The following PIEZO1 variants were observed in gnomAD, a reference collection of about 807,000 sequenced individuals.
PIEZO1 encodes the protein piezo-type mechanosensitive ion channel component 1.
Under a neutral mutation model 297.2 loss-of-function variants are expected in PIEZO1, and 296 were observed. That is an observed-to-expected ratio of 1.00 (90% confidence interval 0.91 to 1.10). The LOEUF is 1.10. Ranked by LOEUF, PIEZO1 falls within the 50% of genes least tolerant of loss-of-function variation. The probability of loss-of-function intolerance (pLI) is 0.00; values close to 1 mark genes in which losing one functional copy is unlikely to be tolerated. For missense variants in PIEZO1, 5,018 were observed against 3,455.5 expected, an observed-to-expected ratio of 1.45 and a Z score of -11.34; for synonymous variants, 2,427 against 1,507.5, an observed-to-expected ratio of 1.61 and a Z score of -14.13.
In PIEZO1 at chr16:88,717,214, G is replaced by A. The variant is rs1378165415; in HGVS notation, c.6472-3C>T. The A allele has an allele frequency of 4.5e-6, 7 of 1,547,300 alleles. No individual in the cohort carries two copies. Among genetic ancestry groups the A allele is most frequent in the South Asian group, 3.6e-5 (3 of 84,058 alleles). On this transcript the variant is annotated splice_region_variant and splice_polypyrimidine_tract_variant and intron_variant, in intron 44 of 50. Coordinates refer to ENST00000301015, the MANE Select transcript of PIEZO1 (RefSeq NM_001142864.4). ...TGCCCTTTGGGCTGCGGGTATTTCT[G>A]GAGGGGAACGACACAGGTCATACGC...
intron 5 of PIEZO1, 124 bp from the exon 6 acceptor site, chr16:88,738,860 C>T: frequency 2.4e-6 from 2 of 838,252 alleles, no homozygotes; most frequent in Middle Eastern, 2.3e-4. Context: ...CTGAGGGCCA[C>T]AGGACAGCCT....
intron 1 of PIEZO1, among the ~76,000 whole-genome samples, chr16:88,755,756 C>T (rs1024241509): frequency 3.9e-5 from 6 of 152,222 alleles, no homozygotes; most frequent in South Asian, 2.1e-4. Context: ...CATGAGAGGC[C>T]GGGGGCCCCC....
intron 1 of PIEZO1, among the ~76,000 whole-genome samples, chr16:88,772,095 C>T (rs540914846): frequency 1.3e-5 from 2 of 150,500 alleles, no homozygotes; most frequent in African/African-American, 2.5e-5. Context: ...ACCCGCGGCC[C>T]CAGGCCCTCC....
At chr16:88,735,496 CGGGTTCACTAGTTCACGT>C (rs1905150575) in intron 12 of PIEZO1, among the ~76,000 whole-genome samples, 1 of 152,286 alleles carries the variant, frequency 6.6e-6, no homozygotes, top group Admixed American at 6.5e-5. Flanking sequence ...GAGTCACACA[CGGGTTCACTAGTTCACGT>C]GGGCACAGAT....
At chr16:88,762,730 GA>G (rs1222322793) in intron 1 of PIEZO1, among the ~76,000 whole-genome samples, 1 of 152,226 alleles carries the variant, frequency 6.6e-6, no homozygotes. Context: ...GTCAGACGGG[GA>G]AACTGAGGCA....
At chr16:88,739,048 G>C (rs1193066807) in intron 5 of PIEZO1, 3 of 455,968 alleles carry the variant, frequency 6.6e-6, no homozygotes, top group Non-Finnish European at 1.2e-5. Context: ...ACAGACCACA[G>C]ACTGTCCTAT....
In PIEZO1 at chr16:88,742,393, G is replaced by T; in HGVS notation, c.190C>A (p.Leu64Met). The change falls in exon 3 of 51, where the codon CTG (leucine) becomes ATG (methionine). Residue 64 changes from leucine (L) to methionine (M), a missense_variant. Transcript: ENST00000301015. Reference sequence around the variant, plus strand: ...ACCAGGAAGAGCAGGCTGAGGCCCAGCAATGCCCGCAGGAGGCGGCCTGTG... The same window carrying T: ...ACCAGGAAGAGCAGGCTGAGGCCCATCAATGCCCGCAGGAGGCGGCCTGTG... ...GHTGRLLRAL[L>M]GLSLLFLVAH... is the part of the protein sequence containing the mutation. 1 of 1,535,264 alleles carries T rather than the reference G, an allele frequency of 6.5e-7. No individual in the cohort carries two copies. Among genetic ancestry groups the T allele is most frequent in the Non-Finnish European group, 8.7e-7 (1 of 1,146,642 alleles).
At chr16:88,776,868 T>G (rs772025492) in intron 1 of PIEZO1, among the ~76,000 whole-genome samples, 20 of 152,298 alleles carry the variant, frequency 1.3e-4, no homozygotes, top group Middle Eastern at 3.4e-3. Flanking sequence ...AAGAGGGGAA[T>G]GTGTGTGCTC....
At chr16:88,717,644 C>G (rs763036835) in intron 44 of PIEZO1, 41 of 452,080 alleles carry the variant, frequency 9.1e-5, no homozygotes, top group African/African-American at 6.6e-4. Flanking sequence ...ACAAAGTAAA[C>G]CAGATATTAC....
Position 88,732,322 on chromosome 16 carries a change from G to A in PIEZO1, c.2991+13C>T. 2 of 1,547,050 alleles carry A rather than the reference G, an allele frequency of 1.3e-6. No homozygotes were observed. The highest frequency in any genetic ancestry group is 1.7e-6 in the Non-Finnish European group (2 of 1,144,392). On this transcript the variant is annotated intron_variant, in intron 21 of 50. Transcript: ENST00000301015. ...AAGCCCTGCCCCAGGGGGAGGCAAT[G>A]TCCTTGCCTCACCTCCAGCCCGAAT...
intron 39 of PIEZO1, 96 bp downstream of exon 39, chr16:88,721,070 C>G: frequency 7.8e-7 from 1 of 1,276,062 alleles, no homozygotes; most frequent in Non-Finnish European, 1.0e-6. Context: ...GGGCCTCGCA[C>G]TGGGCTTGGC....
Position 88,769,263 on chromosome 16 carries a change from G to T in PIEZO1, c.64+15638C>A, listed in dbSNP as rs141255011. On this transcript the variant is annotated intron_variant, in intron 1 of 50. Coordinates refer to ENST00000301015, the MANE Select transcript of PIEZO1 (RefSeq NM_001142864.4). ...ACGGGGGTCTCACTATGTTACCCAG[G>T]CTGCTCTCAAACTCCTGGCCTCAAG... Among the ~76,000 whole-genome samples, 478 of 152,218 alleles carry T rather than the reference G, an allele frequency of 3.1e-3. 2 individuals carry two copies. Among genetic ancestry groups the T allele is most frequent in the African/African-American group, 0.011 (444 of 41,530 alleles).
intron 1 of PIEZO1, among the ~76,000 whole-genome samples, chr16:88,776,746 G>A (rs1907683859): frequency 6.6e-6 from 1 of 152,238 alleles, no homozygotes; most frequent in Non-Finnish European, 1.5e-5. Flanking sequence ...CTGTGGGGCT[G>A]GACCCTGGCT....
chr16:88,746,250 A>G (rs942695929), intron 2 of PIEZO1, among the ~76,000 whole-genome samples: 3 of 152,102 alleles, frequency 2.0e-5, no homozygotes, highest in African/African-American at 7.2e-5. Context: ...GTGAAGCTGG[A>G]GAGGGTGGCA....
chr16:88,736,754 A>G lies in PIEZO1; in HGVS notation c.1196-15T>C, dbSNP rs1016264780. ...CTTGGGCCGCACTGCAGGTGGGGAC[A>G]GCGGTCAGCTTCGGCAGGTTGATCT... On this transcript the variant is annotated splice_polypyrimidine_tract_variant and intron_variant, in intron 10 of 50. Transcript: ENST00000301015. 6.0e-6 allele frequency: 9 copies of G among 1,489,962 alleles called. No homozygotes were observed. The African/African-American group carries it at 1.1e-4, about 18-fold the overall frequency. 92.3% of individuals were successfully genotyped at this position (1,489,962 alleles called of 1,614,324 possible). A position where few individuals can be genotyped will look rare whatever the true frequency, so the allele number is the denominator to read the frequency against.
At position 88,736,735 on chromosome 16, in the gene PIEZO1, C is replaced by T. The variant is rs1905245377; in HGVS notation, c.1200G>A (p.Arg400=). 2 of 1,525,948 alleles carry T rather than the reference C, an allele frequency of 1.3e-6. No individual in the cohort carries two copies. The highest frequency in any genetic ancestry group is 1.8e-6 in the Non-Finnish European group (2 of 1,140,994). The allele number at this position is 1,525,948 out of a possible 1,614,324, so 94.5% of individuals were successfully genotyped here. A position where few individuals can be genotyped will look rare whatever the true frequency, so the allele number is the denominator to read the frequency against. Residue 400 remains arginine, a synonymous_variant, in exon 11 of 51, where the codon CGG becomes CGA. Coordinates refer to ENST00000301015, the MANE Select transcript of PIEZO1 (RefSeq NM_001142864.4). Reference sequence around the variant, plus strand: ...CCTCCCTGGGCTCAGCCCGCTTGGGCCGCACTGCAGGTGGGGACAGCGGTC... The same window carrying T: ...CCTCCCTGGGCTCAGCCCGCTTGGGTCGCACTGCAGGTGGGGACAGCGGTC... ...GQSSVLRRPV[R]PKRAEPREAS...
Position 88,732,540 on chromosome 16 carries a change from G to A in PIEZO1, c.2791-5C>T, listed in dbSNP as rs777272572. On this transcript the variant is annotated splice_region_variant and splice_polypyrimidine_tract_variant and intron_variant, in intron 20 of 50. Transcript: ENST00000301015. ...CAGCAGCACTTGCAGGTGGTTCTGC[G>A]GAGGGCAAGGGTCAGGGGGCAGCCG... 114 of 1,544,848 alleles carry A rather than the reference G, an allele frequency of 7.4e-5. No individual in the cohort carries two copies. The highest frequency in any genetic ancestry group is 3.2e-4 in the East Asian group (13 of 40,730).
intron 35 of PIEZO1, 26 bp downstream of exon 35, chr16:88,722,557 G>T: frequency 6.8e-7 from 1 of 1,479,624 alleles, no homozygotes; most frequent in Non-Finnish European, 9.0e-7. Context: ...GGCAGCAGCT[G>T]GGGCTCGGGT....
rs560483647 is a variant in PIEZO1 at position 88,749,682 on chromosome 16, G to A, written c.65-203C>T. 2.1e-3 allele frequency among the ~76,000 whole-genome samples: 327 copies of A among 152,320 alleles called. 1 individual carries two copies. The highest frequency in any genetic ancestry group is 6.4e-3 in the African/African-American group (267 of 41,568). ...ACGACACGGGCACCAGCCTCCCAGCGGGGCGCTGGGGTTTTGACCCATCTT... is the reference window on the plus strand; with the variant it reads ...ACGACACGGGCACCAGCCTCCCAGCAGGGCGCTGGGGTTTTGACCCATCTT... On this transcript the variant is annotated intron_variant, in intron 1 of 50. Coordinates refer to ENST00000301015, the MANE Select transcript of PIEZO1 (RefSeq NM_001142864.4).
Sources: allele counts gnomAD v4.1 joint callset (sites outside exome capture counted in the v4.1 genomes callset), GRCh38; gene constraint gnomAD v4.1.1; transcripts MANE v1.5; gene names NCBI Gene and HGNC (gene_info 2026-07-23, HGNC 2026-07-21).